The following AKAP7 variants were observed in gnomAD, a reference collection of about 807,000 sequenced individuals.
AKAP7 encodes the protein A-kinase anchoring protein 7.
Under a neutral mutation model 39.5 loss-of-function variants are expected in AKAP7, and 39 were observed. The observed-to-expected ratio is 0.99, with a 90% CI of 0.76 to 1.29. AKAP7 has a LOEUF of 1.29. Ranked by LOEUF, AKAP7 falls within the 50% of genes most tolerant of loss-of-function variation. The pLI, the probability that AKAP7 is intolerant of heterozygous loss-of-function variation, is 0.00. For missense variants in AKAP7, 414 were observed against 407.7 expected (o/e 1.02, Z -0.13); for synonymous variants, 140 against 139.1 (o/e 1.01, Z -0.05).
intron 7 of AKAP7, among the ~76,000 whole-genome samples, chr6:131,242,727 C>T (rs1429216184): frequency 2.6e-5 from 4 of 151,976 alleles, no homozygotes; most frequent in African/African-American, 4.8e-5. Flanking sequence ...CATTCTTCTT[C>T]CTAGTGATTA....
intron 2 of AKAP7, among the ~76,000 whole-genome samples, chr6:131,146,491 G>A (rs1274448848): frequency 1.3e-5 from 2 of 152,254 alleles, no homozygotes; most frequent in African/African-American, 4.8e-5. Flanking sequence ...TTATGTCATT[G>A]TAAAAACAAC....
At chr6:131,186,424 C>T (rs1414218725) in intron 5 of AKAP7, among the ~76,000 whole-genome samples, 2 of 152,094 alleles carry the variant, frequency 1.3e-5, no homozygotes, top group Non-Finnish European at 2.9e-5. Flanking sequence ...TATCCAGTCT[C>T]AGGTATTTTT....
At chr6:131,139,572 T>C (rs1800850963) in intron 1 of AKAP7, among the ~76,000 whole-genome samples, 2 of 152,232 alleles carry the variant, frequency 1.3e-5, no homozygotes, top group African/African-American at 4.8e-5. Context: ...CAGGAATTAT[T>C]TTTCATGGGC....
chr6:131,158,699 G>T (rs1360878710), intron 2 of AKAP7, among the ~76,000 whole-genome samples: 2 of 152,014 alleles, frequency 1.3e-5, no homozygotes, highest in African/African-American at 4.8e-5. Flanking sequence ...AGGAGATGGG[G>T]TTTCACCTTA....
chr6:131,126,239 C>T, the AKAP7 span, among the ~76,000 whole-genome samples: 1 of 152,174 alleles, frequency 6.6e-6, no homozygotes, highest in African/African-American at 2.4e-5. Flanking sequence ...AATATGCTGG[C>T]TGTCTTTTCT....
At chr6:131,228,576 TTCC>T (rs1348068409) in intron 7 of AKAP7, among the ~76,000 whole-genome samples, 2 of 152,094 alleles carry the variant, frequency 1.3e-5, no homozygotes, top group African/African-American at 4.8e-5. Context: ...TGGTCTTAAA[TTCC>T]TGGGCTCTTG....
intron 7 of AKAP7, among the ~76,000 whole-genome samples, chr6:131,239,046 T>C (rs952621312): frequency 7.9e-5 from 12 of 152,208 alleles, no homozygotes; most frequent in Non-Finnish European, 1.6e-4. Flanking sequence ...TGGCTGGTAC[T>C]GGTTGTTCCT....
intron 7 of AKAP7, among the ~76,000 whole-genome samples, chr6:131,236,007 A>G (rs2128309051): frequency 6.6e-6 from 1 of 152,306 alleles, no homozygotes; most frequent in African/African-American, 2.4e-5. Flanking sequence ...GGTATTGCCT[A>G]CGTTTTCTTC....
intron 2 of AKAP7, among the ~76,000 whole-genome samples, chr6:131,155,836 C>T (rs1463123502): frequency 6.6e-6 from 1 of 152,084 alleles, no homozygotes; most frequent in East Asian, 1.9e-4. Flanking sequence ...CCATCTTTGG[C>T]CAATGAGAAG....
chr6:131,181,325 C>CTT (rs1805215495), intron 5 of AKAP7, among the ~76,000 whole-genome samples: 1 of 152,188 alleles, frequency 6.6e-6, no homozygotes, highest in African/African-American at 2.4e-5. Flanking sequence ...ATCCTAAACC[C>CTT]CAGCATCAGT....
In AKAP7 at chr6:131,219,692, A is replaced by C. The variant is rs765285496; in HGVS notation, c.734A>C (p.Glu245Ala). 2.4e-5 allele frequency: 38 copies of C among 1,596,554 alleles called. No individual in the cohort carries two copies. Among genetic ancestry groups the C allele is most frequent in the Admixed American group, 7.1e-5 (4 of 56,462 alleles). The change falls in exon 7 of 8, where the codon GAA (glutamate) becomes GCA (alanine). Residue 245 changes from glutamate to alanine, a missense_variant. By Grantham distance (107) the Glu-to-Ala change is moderately radical (BLOSUM62 -1). Coordinates refer to ENST00000431975, the MANE Select transcript of AKAP7 (RefSeq NM_016377.4). ...GVKKIDPDLY[E>A]KFISHRFGEE... ...AAAAAAATAGATCCTGATTTATATG[A>C]AAAGTTTATCAGTCACAGATTTGGA...
intron 7 of AKAP7, among the ~76,000 whole-genome samples, chr6:131,254,360 A>G (rs1159212080): frequency 6.6e-6 from 1 of 152,232 alleles, no homozygotes; most frequent in Non-Finnish European, 1.5e-5. Context: ...CCTGAAAGGA[A>G]TGTCTATCAT....
the AKAP7 span, among the ~76,000 whole-genome samples, chr6:131,129,278 C>T: frequency 1.2e-5 from 1 of 81,686 alleles, no homozygotes; most frequent in African/African-American, 3.9e-5. Flanking sequence ...CAGAGCAAGA[C>T]TCTGTCAAAA....
chr6:131,267,913 A>G (rs1201815464), intron 7 of AKAP7, among the ~76,000 whole-genome samples: 1 of 152,180 alleles, frequency 6.6e-6, no homozygotes, highest in East Asian at 1.9e-4. Context: ...GGCAGGGCCC[A>G]TGTCAGATTC....
rs962814695 is a variant in AKAP7 at position 131,181,626 on chromosome 6, C to G, written c.589+12353C>G. On this transcript the variant is annotated intron_variant, in intron 5 of 7. Transcript: ENST00000431975. ...TTCTTGCTGTGTCATTTAAGATTCT[C>G]AGCTTCTTGATTCTTGCCTGTGTAT... Among the ~76,000 whole-genome samples, 3 of 152,120 alleles carry G rather than the reference C, an allele frequency of 2.0e-5. No homozygotes were observed. The East Asian group carries it at 5.8e-4, about 29-fold the overall frequency.
intron 7 of AKAP7, among the ~76,000 whole-genome samples, chr6:131,279,316 C>T (rs189954972): frequency 3.3e-5 from 5 of 152,240 alleles, no homozygotes; most frequent in East Asian, 1.9e-4. Flanking sequence ...GTCACCAGGC[C>T]GGAGTGCAGT....
intron 7 of AKAP7, chr6:131,250,662 T>C (rs1433814761): frequency 6.3e-7 from 1 of 1,596,046 alleles, no homozygotes; most frequent in African/African-American, 1.3e-5. Context: ...CTTGACTATT[T>C]TGTGCGGTTG....
At chr6:131,246,672 C>G (rs1812031598) in intron 7 of AKAP7, among the ~76,000 whole-genome samples, 1 of 152,026 alleles carries the variant, frequency 6.6e-6, no homozygotes, top group Non-Finnish European at 1.5e-5. Context: ...TGCTAGGCTC[C>G]AGCCCCAAAA....
chr6:131,187,878 C>T (rs1806023288), intron 5 of AKAP7, among the ~76,000 whole-genome samples: 1 of 152,188 alleles, frequency 6.6e-6, no homozygotes, highest in South Asian at 2.1e-4. Flanking sequence ...CTCTCTCTGG[C>T]AGTTCACTTG....
Sources: gnomAD v4.1 joint callset for allele counts (sites outside exome capture counted in the v4.1 genomes callset) on GRCh38, gnomAD v4.1.1 for gene constraint, MANE v1.5 for transcripts, NCBI Gene and HGNC (gene_info 2026-07-23, HGNC 2026-07-21) for gene names.